ZDHHC20: variants seen among roughly 807,000 people sequenced by gnomAD.
The protein encoded by ZDHHC20 is zDHHC palmitoyltransferase 20, also known as palmitoyltransferase ZDHHC20.
In ZDHHC20, 43 loss-of-function variants were observed where a neutral mutation model predicts 57.8. The ratio of observed to expected loss-of-function variants is 0.74; its 90% CI spans 0.58 to 0.96. The LOEUF is 0.96. ZDHHC20 is among the 40% of genes least tolerant of loss of function. The pLI is 0.00. For missense variants in ZDHHC20, 391 were observed against 441.1 expected, an observed-to-expected ratio of 0.89 and a Z score of 1.02; for synonymous variants, 157 against 153.0, an observed-to-expected ratio of 1.03 and a Z score of -0.19.
At chr13:21,433,416 G>A (rs929890136) in intron 1 of ZDHHC20, among the ~76,000 whole-genome samples, 1 of 152,134 alleles carries the variant, frequency 6.6e-6, no homozygotes, top group African/African-American at 2.4e-5. Flanking sequence ...AGGAGATCGA[G>A]ACCATCCTGG....
chr13:21,384,733 T>C (rs1008911332), intron 9 of ZDHHC20, among the ~76,000 whole-genome samples: 12 of 152,190 alleles, frequency 7.9e-5, no homozygotes, highest in South Asian at 2.1e-4. Context: ...ATGGATTTGG[T>C]AGAAATTCCA....
intron 1 of ZDHHC20, among the ~76,000 whole-genome samples, chr13:21,430,839 T>C (rs1354448733): frequency 6.6e-6 from 1 of 152,062 alleles, no homozygotes; most frequent in Admixed American, 6.5e-5. Flanking sequence ...CTGATCTGGC[T>C]TCTTCTTGAT....
chr13:21,425,690 G>GA lies in ZDHHC20; in HGVS notation c.119-13dup. 2 of 1,148,768 alleles carry GA rather than the reference G, an allele frequency of 1.7e-6. No homozygotes were observed. The highest frequency in any genetic ancestry group is 1.2e-6 in the Non-Finnish European group (1 of 853,924). The allele number at this position is 1,148,768 out of a possible 1,614,324, so 71.2% of individuals were successfully genotyped here. ...TCCAAAAATAGTAACTAGAATAGAA[G>GA]AAAAAATAGTGAATAAATATACTTT... On this transcript the variant is annotated splice_polypyrimidine_tract_variant and intron_variant, in intron 1 of 12. Transcript: ENST00000400590.
At chr13:21,411,128 C>T (rs943748617) in intron 4 of ZDHHC20, among the ~76,000 whole-genome samples, 1 of 152,194 alleles carries the variant, frequency 6.6e-6, no homozygotes, top group South Asian at 2.1e-4. Context: ...TTCCCCGACC[C>T]CTTGTGCTTC....
chr13:21,429,865 T>C (rs1354360765), intron 1 of ZDHHC20, among the ~76,000 whole-genome samples: 1 of 152,240 alleles, frequency 6.6e-6, no homozygotes, highest in Non-Finnish European at 1.5e-5. Context: ...TCACTTTTTT[T>C]CTCTGCCCTC....
chr13:21,427,834 CAAAAAAA>C (rs755599024), intron 1 of ZDHHC20, among the ~76,000 whole-genome samples: 37 of 92,496 alleles, frequency 4.0e-4, no homozygotes, highest in African/African-American at 1.7e-3. Flanking sequence ...GACTCTGTTT[CAAAAAAA>C]AAAAAAAAAA....
At chr13:21,421,004 G>GA (rs376037665) in intron 3 of ZDHHC20, 57 bp downstream of exon 3, 33 of 1,420,456 alleles carry the variant, frequency 2.3e-5, no homozygotes, top group East Asian at 6.9e-5. Context: ...TAACACAAGG[G>GA]AAAAAAAATT....
chr13:21,423,442 G>T (rs554296615), intron 2 of ZDHHC20, among the ~76,000 whole-genome samples: 1 of 152,128 alleles, frequency 6.6e-6, no homozygotes, highest in African/African-American at 2.4e-5. Flanking sequence ...TTGGGAGGCT[G>T]GGGCGGGCGG....
At chr13:21,422,068 T>C (rs544737518) in intron 2 of ZDHHC20, among the ~76,000 whole-genome samples, 1 of 152,254 alleles carries the variant, frequency 6.6e-6, no homozygotes, top group African/African-American at 2.4e-5. Context: ...ACTGATGAGG[T>C]AATACATGCA....
In ZDHHC20 at chr13:21,423,205, A is replaced by G. The variant is rs7999844; in HGVS notation, c.146-2041T>C. ...ATGGTCATATTCCACTTCTAAGCCAATATCTGATGCCAAGATAAAATCGTA... is the reference window on the plus strand; with the variant it reads ...ATGGTCATATTCCACTTCTAAGCCAGTATCTGATGCCAAGATAAAATCGTA... On this transcript the variant is annotated intron_variant, in intron 2 of 12. Transcript: ENST00000400590. 2.1e-3 allele frequency among the ~76,000 whole-genome samples: 323 copies of G among 152,322 alleles called. 1 individual carries two copies. Among genetic ancestry groups the G allele is most frequent in the African/African-American group, 7.5e-3 (310 of 41,570 alleles).
intron 4 of ZDHHC20, among the ~76,000 whole-genome samples, chr13:21,403,791 A>C (rs1878058001): frequency 6.6e-6 from 1 of 151,992 alleles, no homozygotes; most frequent in South Asian, 2.1e-4. Flanking sequence ...GGGTTCAAGC[A>C]ATTCTCCTGC....
intron 4 of ZDHHC20, among the ~76,000 whole-genome samples, chr13:21,404,872 A>T (rs1405222425): frequency 1.3e-5 from 2 of 152,140 alleles, no homozygotes; most frequent in Non-Finnish European, 2.9e-5. Flanking sequence ...CATCTTTCGG[A>T]TGTCAATTAA....
rs3070118 is a variant in ZDHHC20 at position 21,455,633 on chromosome 13, G to GGTGTGTGT, written c.118+3413_118+3420dup. ...TCCTCAGTATTACTCCCAGTGAAGT[G>GGTGTGTGT]GTGTGTGTGTGTGTGTGTGTGTGTG... On this transcript the variant is annotated intron_variant, in intron 1 of 12. Coordinates refer to ENST00000400590, the MANE Select transcript of ZDHHC20 (RefSeq NM_001330059.2). 7.0e-4 allele frequency among the ~76,000 whole-genome samples: 103 copies of GGTGTGTGT among 148,186 alleles called. 1 individual carries two copies. The highest frequency in any genetic ancestry group is 2.1e-3 in the African/African-American group (86 of 40,030).
In ZDHHC20 at chr13:21,373,212, T is replaced by C. The variant is rs954561868; in HGVS notation, c.*3484A>G. 1 of 152,190 alleles carries C rather than the reference T, an allele frequency of 6.6e-6. No homozygotes were observed. Among genetic ancestry groups the C allele is most frequent in the African/African-American group, 2.4e-5 (1 of 41,452 alleles). The allele number at this position is 152,190 out of a possible 1,614,324, so 9.4% of individuals were successfully genotyped here. On this transcript the variant is annotated 3_prime_UTR_variant, in exon 13 of 13. Coordinates refer to ENST00000400590, the MANE Select transcript of ZDHHC20 (RefSeq NM_001330059.2). ...CCCTAGAACAAAAGGTAAGCAAAAC[T>C]TATTTGTAAGTTACTGCCTATTCAA... is the stretch of plus-strand genomic sequence containing the variant.
At chr13:21,421,388 G>A (rs547129009) in intron 2 of ZDHHC20, among the ~76,000 whole-genome samples, 1 of 152,084 alleles carries the variant, frequency 6.6e-6, no homozygotes, top group Non-Finnish European at 1.5e-5. Context: ...TGGTTTATAA[G>A]ATGAGATTTA....
chr13:21,384,453 T>A (rs1447729134), intron 9 of ZDHHC20, among the ~76,000 whole-genome samples: 3 of 67,668 alleles, frequency 4.4e-5, no homozygotes. Context: ...AGAGACTCTA[T>A]CTCCAAAAAA....
intron 5 of ZDHHC20, 104 bp from the exon 6 acceptor site, chr13:21,401,789 A>C: frequency 4.0e-6 from 4 of 1,004,470 alleles, no homozygotes; most frequent in Non-Finnish European, 5.7e-6. Context: ...TTACAACTAC[A>C]TCTTAAGAGA....
chr13:21,420,594 C>T (rs1490417706), intron 3 of ZDHHC20, among the ~76,000 whole-genome samples: 1 of 152,180 alleles, frequency 6.6e-6, no homozygotes, highest in Admixed American at 6.5e-5. Context: ...ATATTATTTT[C>T]CAAATGGAAC....
chr13:21,439,522 A>G (rs191946016), intron 1 of ZDHHC20, among the ~76,000 whole-genome samples: 15 of 152,170 alleles, frequency 9.9e-5, no homozygotes, highest in African/African-American at 3.1e-4. Flanking sequence ...CCCTGTCTCA[A>G]AACAAAACAA....
Sources: gnomAD v4.1 joint callset for allele counts (sites outside exome capture counted in the v4.1 genomes callset) on GRCh38, gnomAD v4.1.1 for gene constraint, MANE v1.5 for transcripts, NCBI Gene and HGNC (gene_info 2026-07-23, HGNC 2026-07-21) for gene names.